The following GLIS3 variants were observed in gnomAD, a reference collection of about 807,000 sequenced individuals.
GLIS3 encodes the protein GLIS family zinc finger 3.
GLIS3 carries 53 observed loss-of-function variants against 78.6 expected under a neutral mutation model. That is an observed-to-expected ratio of 0.67 (90% confidence interval 0.54 to 0.85). GLIS3 has a LOEUF of 0.85. Among genes scored for constraint, GLIS3 ranks in the 40% least tolerant of loss-of-function variants. The probability of loss-of-function intolerance (pLI) is 0.00; values close to 1 mark genes in which losing one functional copy is unlikely to be tolerated. For missense variants in GLIS3, 1,703 were observed against 1,231.1 expected (o/e 1.38, Z -5.74); for synonymous variants, 684 against 509.9 (o/e 1.34, Z -4.60).
intron 2 of GLIS3, among the ~76,000 whole-genome samples, chr9:4,319,778 C>G (rs897902388): frequency 2.0e-5 from 3 of 152,136 alleles, no homozygotes; most frequent in African/African-American, 7.2e-5. Flanking sequence ...ATCCTCCCAC[C>G]TCAGTCTCCT....
At chr9:4,009,001 T>C (rs1821785752) in intron 4 of GLIS3, among the ~76,000 whole-genome samples, 1 of 152,176 alleles carries the variant, frequency 6.6e-6, no homozygotes. Context: ...ATGAGAGAGA[T>C]GCATTCCTGA....
chr9:4,264,289 C>A (rs1587213899), intron 2 of GLIS3, among the ~76,000 whole-genome samples: 1 of 152,194 alleles, frequency 6.6e-6, no homozygotes, highest in Admixed American at 6.5e-5. Context: ...AAAACCTACT[C>A]TGAATCTAAA....
intron 9 of GLIS3, among the ~76,000 whole-genome samples, chr9:3,845,060 G>GAT (rs201048983): frequency 2.2e-4 from 27 of 121,390 alleles, no homozygotes; most frequent in South Asian, 1.4e-3. Context: ...ACTGTGCAAA[G>GAT]ATATATATAT....
intron 2 of GLIS3, among the ~76,000 whole-genome samples, chr9:4,217,056 T>G (rs1357784257): frequency 6.6e-6 from 1 of 152,180 alleles, no homozygotes; most frequent in Non-Finnish European, 1.5e-5. Flanking sequence ...GGTTCCAAAG[T>G]TAACTCCAGT....
intron 4 of GLIS3, among the ~76,000 whole-genome samples, chr9:4,030,048 T>C (rs994784975): frequency 6.6e-6 from 1 of 152,224 alleles, no homozygotes; most frequent in Non-Finnish European, 1.5e-5. Context: ...GCTGTACTAA[T>C]TTACATTTCC....
At chr9:4,290,650 A>C (rs1051794496) in intron 1 of GLIS3, among the ~76,000 whole-genome samples, 9 of 152,264 alleles carry the variant, frequency 5.9e-5, no homozygotes, top group African/African-American at 1.9e-4. Context: ...CTAGGAGTTC[A>C]TTTAAATAAG....
At chr9:4,151,454 T>A (rs532005627) in intron 2 of GLIS3, among the ~76,000 whole-genome samples, 1 of 152,298 alleles carries the variant, frequency 6.6e-6, no homozygotes, top group East Asian at 1.9e-4. Flanking sequence ...TTCAGACTGC[T>A]CAGGGAGAGC....
In GLIS3 at chr9:3,827,025, G is replaced by T. The variant is rs1489073528; in HGVS notation, c.*1247C>A. The T allele has an allele frequency of 6.6e-6, 1 of 152,068 alleles. No homozygotes were observed. The highest frequency in any genetic ancestry group is 2.1e-4 in the South Asian group (1 of 4,826). 9.4% of individuals were successfully genotyped at this position (152,068 alleles called of 1,614,324 possible). On this transcript the variant is annotated 3_prime_UTR_variant, in exon 11 of 11. Coordinates refer to ENST00000381971, the MANE Select transcript of GLIS3 (RefSeq NM_001042413.2). Reference sequence around the variant, plus strand: ...GTGAAAATTCCAGGCCTTCAAACTGGAACTCAGAAAAAGAATTGCCTCTTT... The same window carrying T: ...GTGAAAATTCCAGGCCTTCAAACTGTAACTCAGAAAAAGAATTGCCTCTTT...
chr9:3,917,038 AG>A (rs1265384703), intron 6 of GLIS3, among the ~76,000 whole-genome samples: 1 of 152,188 alleles, frequency 6.6e-6, no homozygotes, highest in African/African-American at 2.4e-5. Flanking sequence ...CAGTGTTTGT[AG>A]GAAGATTAAG....
At chr9:4,052,038 G>C (rs966491945) in intron 4 of GLIS3, among the ~76,000 whole-genome samples, 2 of 152,178 alleles carry the variant, frequency 1.3e-5, no homozygotes, top group African/African-American at 2.4e-5. Flanking sequence ...AACACATCCT[G>C]TTCACTTCTA....
chr9:3,961,294 T>C (rs1270315413), intron 4 of GLIS3, among the ~76,000 whole-genome samples: 2 of 152,208 alleles, frequency 1.3e-5, no homozygotes, highest in Non-Finnish European at 2.9e-5. Flanking sequence ...AACCTTGTAC[T>C]AATCATTTTG....
rs375849514 is a variant in GLIS3 at position 4,268,398 on chromosome 9, G to C, written c.388+17640C>G. ...TACCATTATTCTTTCAAATATAATT[G>C]AGACTATAAAGAAATTCTGAAAAGG... On this transcript the variant is annotated intron_variant, in intron 2 of 10. Transcript: ENST00000381971. 1.6e-3 allele frequency among the ~76,000 whole-genome samples: 243 copies of C among 152,130 alleles called. No individual in the cohort carries two copies. The South Asian group carries it at 0.019, about 12-fold the overall frequency.
intron 2 of GLIS3, among the ~76,000 whole-genome samples, chr9:4,256,835 T>C (rs1030022367): frequency 6.6e-6 from 1 of 152,132 alleles, no homozygotes; most frequent in African/African-American, 2.4e-5. Flanking sequence ...TCCAGCAATA[T>C]CTCATCTGAA....
At chr9:4,188,107 C>T (rs1245783650) in intron 2 of GLIS3, among the ~76,000 whole-genome samples, 4 of 151,526 alleles carry the variant, frequency 2.6e-5, no homozygotes, top group African/African-American at 9.7e-5. Flanking sequence ...AGGTTTTGCC[C>T]ATTCAGTATG....
At chr9:4,454,229 G>A in the GLIS3 span, among the ~76,000 whole-genome samples, 2 of 151,058 alleles carry the variant, frequency 1.3e-5, no homozygotes, top group East Asian at 1.9e-4. Context: ...GGTCTCAAAT[G>A]CCTAGGCTCA....
chr9:4,334,315 G>A (rs141771384), intron 2 of GLIS3, among the ~76,000 whole-genome samples: 1 of 152,172 alleles, frequency 6.6e-6, no homozygotes, highest in Non-Finnish European at 1.5e-5. Context: ...AGAGATCACA[G>A]AACCTCTCAA....
Position 4,309,416 on chromosome 9 carries a change from G to T in GLIS3, n.393-448C>A, listed in dbSNP as rs76643921. On this transcript the variant is annotated intron_variant and non_coding_transcript_variant, in intron 3 of 4. Transcript: ENST00000471664. ...GTCTTAAGCAGTGGTTGGGGCGGGG[G>T]GAGCACAGTATAAGTAACAGGAATT... 3.6e-3 allele frequency among the ~76,000 whole-genome samples: 545 copies of T among 152,272 alleles called. 2 individuals are homozygous for T. The highest frequency in any genetic ancestry group is 6.6e-3 in the Non-Finnish European group (446 of 68,024).
chr9:3,977,876 A>T lies in GLIS3; in HGVS notation c.1711-40687T>A, dbSNP rs989594547. On this transcript the variant is annotated intron_variant, in intron 4 of 10. Transcript: ENST00000381971. This position sits in a 1 kb window ranked among gnomAD's most constrained non-coding sequence, Gnocchi z 4.1. ...TGCATCCAGCTGGTGAGGAGGTCTA[A>T]TTTCACACCACGCAGCAATGAAATG... 6.6e-6 allele frequency among the ~76,000 whole-genome samples: 1 copy of T among 152,206 alleles called. No homozygotes were observed. The highest frequency in any genetic ancestry group is 2.4e-5 in the African/African-American group (1 of 41,466).
the GLIS3 span, among the ~76,000 whole-genome samples, chr9:4,408,232 C>G: frequency 6.6e-6 from 1 of 151,994 alleles, no homozygotes; most frequent in Non-Finnish European, 1.5e-5. Context: ...AAAAATAGAG[C>G]TACCATATGA....
Sources: allele counts gnomAD v4.1 joint callset (sites outside exome capture counted in the v4.1 genomes callset), GRCh38; gene constraint gnomAD v4.1.1; non-coding constraint Gnocchi (gnomAD v3.1); transcripts MANE v1.5; gene names NCBI Gene and HGNC (gene_info 2026-07-23, HGNC 2026-07-21).